PHYH: variants seen among roughly 807,000 people sequenced by gnomAD.
PHYH encodes the protein phytanoyl-CoA dioxygenase, peroxisomal.
Under a neutral mutation model 38.5 loss-of-function variants are expected in PHYH, and 32 were observed. That is an observed-to-expected ratio of 0.83 (90% CI 0.63 to 1.12). PHYH has a LOEUF of 1.12. PHYH is among the 50% of genes most tolerant of loss of function. The pLI is 0.00. For synonymous variants in PHYH, 166 were observed against 157.9 expected, an observed-to-expected ratio of 1.05 and a Z score of -0.38; for missense variants, 426 against 434.8, an observed-to-expected ratio of 0.98 and a Z score of 0.18.
At chr10:13,280,933 G>C (rs1213428200) in intron 8 of PHYH, 43 bp downstream of exon 8, 2 of 1,590,606 alleles carry the variant, frequency 1.3e-6, no homozygotes, top group African/African-American at 1.3e-5. Flanking sequence ...CTGAAGAAAA[G>C]AAAAACCTGA....
chr10:13,296,688 A>G (rs186262962), intron 2 of PHYH, among the ~76,000 whole-genome samples: 150 of 152,116 alleles, frequency 9.9e-4, no homozygotes, highest in African/African-American at 3.2e-3. Flanking sequence ...GATGGCGGGC[A>G]CAGTGGCTCA....
chr10:13,283,461 G>A (rs966087454), intron 7 of PHYH, among the ~76,000 whole-genome samples: 2 of 152,060 alleles, frequency 1.3e-5, no homozygotes, highest in Non-Finnish European at 2.9e-5. Context: ...AGGATCCTGA[G>A]GTCACCTGGC....
rs539175570 is a variant in PHYH at position 13,282,854 on chromosome 10, C to T, written c.828+836G>A. 7.2e-5 allele frequency among the ~76,000 whole-genome samples: 11 copies of T among 152,180 alleles called. No homozygotes were observed. The South Asian group carries it at 2.3e-3, about 32-fold the overall frequency. On this transcript the variant is annotated intron_variant, in intron 7 of 8. Transcript: ENST00000263038. ...TTGCAGAGTCTTTTTTTGGCATCCCCTTACATTTTACCCCTGGAGAGAGTG... is the reference window on the plus strand; with the variant it reads ...TTGCAGAGTCTTTTTTTGGCATCCCTTTACATTTTACCCCTGGAGAGAGTG...
At position 13,299,851 on chromosome 10, in the gene PHYH, G is replaced by C. The variant is rs972779969; in HGVS notation, c.75+117C>G. ...AGGCGGGGACGCGGCGCTGAGCGAG[G>C]AGGCGCTGGGGCTGCGAAGCGTGCG... is the stretch of plus-strand genomic sequence containing the variant. On this transcript the variant is annotated intron_variant, in intron 1 of 8. Coordinates refer to ENST00000263038, the MANE Select transcript of PHYH (RefSeq NM_006214.4). The C allele has an allele frequency of 1.7e-5, 22 of 1,333,100 alleles. No homozygotes were observed. The African/African-American group carries it at 3.1e-4, about 19-fold the overall frequency. 82.6% of individuals were successfully genotyped at this position (1,333,100 alleles called of 1,614,324 possible).
intron 5 of PHYH, among the ~76,000 whole-genome samples, chr10:13,290,933 C>A (rs975527664): frequency 1.3e-5 from 2 of 151,974 alleles, no homozygotes; most frequent in Non-Finnish European, 2.9e-5. Flanking sequence ...CCTGTCTCTA[C>A]TAAAAGTACA....
intron 1 of PHYH, chr10:13,299,547 C>G (rs1832689156): frequency 9.9e-7 from 1 of 1,012,574 alleles, no homozygotes; most frequent in South Asian, 4.4e-5. Context: ...CTCTCCCCTC[C>G]GGAGAGGTCC....
rs925600304 is a variant in PHYH, at chr10:13,282,705, G to C, written c.828+985C>G. ...CTACTTGCACAGCTCTGAAGGTTGT[G>C]CTAGTGTGGGGTCCAATAGTGTCTT... On this transcript the variant is annotated intron_variant, in intron 7 of 8. Coordinates refer to ENST00000263038, the MANE Select transcript of PHYH (RefSeq NM_006214.4). 2.0e-5 allele frequency among the ~76,000 whole-genome samples: 3 copies of C among 152,040 alleles called. No homozygotes were observed. In the East Asian group the frequency reaches 5.8e-4, roughly 29 times the overall value.
chr10:13,290,102 C>G (rs1435577650), intron 5 of PHYH, among the ~76,000 whole-genome samples: 2 of 116,264 alleles, frequency 1.7e-5, no homozygotes, highest in Admixed American at 1.0e-4. Flanking sequence ...AACCCTGTCT[C>G]TACTAAAAAT....
At chr10:13,294,114 A>G (rs940095425) in intron 4 of PHYH, among the ~76,000 whole-genome samples, 2 of 152,178 alleles carry the variant, frequency 1.3e-5, no homozygotes, top group Non-Finnish European at 2.9e-5. Context: ...GGGCAGGATA[A>G]TCACTTGAAC....
At chr10:13,292,794 A>G (rs1046896815) in intron 4 of PHYH, among the ~76,000 whole-genome samples, 1 of 152,066 alleles carries the variant, frequency 6.6e-6, no homozygotes, top group African/African-American at 2.4e-5. Flanking sequence ...TTCGCCGGGC[A>G]TGGTGGCACA....
chr10:13,291,104 C>CAAAAAAAAAAAAAA (rs367712215), intron 5 of PHYH, among the ~76,000 whole-genome samples: 1 of 76,368 alleles, frequency 1.3e-5, no homozygotes, highest in Non-Finnish European at 2.4e-5. Flanking sequence ...AACTCCATCT[C>CAAAAAAAAAAAAAA]AAAAAAAAAA....
At chr10:13,296,932 C>T (rs1038367146) in intron 2 of PHYH, among the ~76,000 whole-genome samples, 28 of 150,410 alleles carry the variant, frequency 1.9e-4, no homozygotes, top group African/African-American at 6.4e-4. Flanking sequence ...CCAGCCTGGG[C>T]GACAGAGCCA....
Position 13,289,097 on chromosome 10 carries a change from C to G in PHYH, c.497-556G>C, listed in dbSNP as rs189772084. On this transcript the variant is annotated intron_variant, in intron 5 of 8. Transcript: ENST00000263038. ...ACACACTGGCTCCACATCTTCAAAT[C>G]CCGCACTCCCTTCTTCCGGGTTGCT... Among the ~76,000 whole-genome samples, 8 of 152,236 alleles carry G rather than the reference C, an allele frequency of 5.3e-5. No individual in the cohort carries two copies. The East Asian group carries it at 1.5e-3, about 29-fold the overall frequency.
chr10:13,292,794 A>T (rs1046896815), intron 4 of PHYH, among the ~76,000 whole-genome samples: 1 of 152,066 alleles, frequency 6.6e-6, no homozygotes, highest in African/African-American at 2.4e-5. Context: ...TTCGCCGGGC[A>T]TGGTGGCACA....
intron 6 of PHYH, among the ~76,000 whole-genome samples, chr10:13,285,035 A>C (rs926634540): frequency 2.6e-5 from 4 of 152,150 alleles, no homozygotes; most frequent in African/African-American, 9.7e-5. Flanking sequence ...CTGTCAGCCA[A>C]AGCCCACTGC....
intron 2 of PHYH, among the ~76,000 whole-genome samples, chr10:13,297,145 A>T (rs1477780138): frequency 6.6e-6 from 1 of 152,166 alleles, no homozygotes. Flanking sequence ...ATGATTTTTT[A>T]AAATTCCTTC....
intron 4 of PHYH, among the ~76,000 whole-genome samples, chr10:13,292,948 AAAAGAAG>A (rs1835750122): frequency 6.6e-6 from 1 of 151,398 alleles, no homozygotes; most frequent in African/African-American, 2.4e-5. Flanking sequence ...AAAAAAAAAA[AAAAGAAG>A]AAGAAGAAGA....
In PHYH at chr10:13,294,402, G is replaced by C. The variant is rs201659575; in HGVS notation, c.414+26C>G. On this transcript the variant is annotated intron_variant, in intron 4 of 8. Transcript: ENST00000263038. Reference sequence around the variant, plus strand: ...AGACATACACACTGGCAATTAAGCCGACGCAAAGCAAGGGTGGTCTCTGAC... The same window carrying C: ...AGACATACACACTGGCAATTAAGCCCACGCAAAGCAAGGGTGGTCTCTGAC... 3.1e-6 allele frequency: 5 copies of C among 1,611,682 alleles called. No individual in the cohort carries two copies. The African/African-American group carries it at 4.0e-5, about 13-fold the overall frequency.
At chr10:13,290,114 C>G (rs1422772341) in intron 5 of PHYH, among the ~76,000 whole-genome samples, 1 of 15,918 alleles carries the variant, frequency 6.3e-5, no homozygotes, top group African/African-American at 2.4e-4. Flanking sequence ...ACTAAAAATA[C>G]CAAAAAAAAA....
Sources: gnomAD v4.1 joint callset for allele counts (sites outside exome capture counted in the v4.1 genomes callset) on GRCh38, gnomAD v4.1.1 for gene constraint, MANE v1.5 for transcripts, NCBI Gene and HGNC (gene_info 2026-07-23, HGNC 2026-07-21) for gene names.